LRRC37A2: variants seen among roughly 807,000 people sequenced by gnomAD.
The protein encoded by LRRC37A2 is leucine-rich repeat-containing protein 37A2.
Under a neutral mutation model 68.8 loss-of-function variants are expected in LRRC37A2, and 9 were observed. That is an observed-to-expected ratio of 0.13 (90% confidence interval 0.08 to 0.23). The LOEUF (loss-of-function observed/expected upper bound fraction) is 0.23. Ranked by LOEUF, LRRC37A2 falls within the 10% of genes least tolerant of loss-of-function variation. LRRC37A2 has a pLI of 1.00. For synonymous variants in LRRC37A2, 63 were observed against 367.6 expected (o/e 0.17, Z 9.48); for missense variants, 168 against 950.4 (o/e 0.18, Z 10.82).
At chr17:46,728,993 A>C in the LRRC37A2 span, 1 of 1,030,896 alleles carries the variant, frequency 9.7e-7, no homozygotes, top group Non-Finnish European at 1.5e-6. Flanking sequence ...TAAATCGCAT[A>C]TAATGATACA....
At chr17:46,877,187 G>A in the LRRC37A2 span, 79 of 629,854 alleles carry the variant, frequency 1.3e-4, no homozygotes, top group Admixed American at 2.5e-4. Context: ...TGGGTCAATC[G>A]GGTCCTGTGG....
chr17:46,868,506 G>T, the LRRC37A2 span, among the ~76,000 whole-genome samples: 2 of 152,188 alleles, frequency 1.3e-5, no homozygotes, highest in African/African-American at 4.8e-5. Context: ...TGAGGTAGGA[G>T]AATTGCTTGA....
the LRRC37A2 span, among the ~76,000 whole-genome samples, chr17:46,853,363 CTTTTTTTTT>C: frequency 3.0e-4 from 24 of 78,906 alleles, no homozygotes; most frequent in South Asian, 8.8e-3. Context: ...ATGCTAGTGA[CTTTTTTTTT>C]TTTTTTTTTT....
At chr17:46,403,990 G>A in the LRRC37A2 span, among the ~76,000 whole-genome samples, 2 of 60,248 alleles carry the variant, frequency 3.3e-5, no homozygotes. Flanking sequence ...GTGAGCCACC[G>A]CAGCTGGCCA....
the LRRC37A2 span, among the ~76,000 whole-genome samples, chr17:46,711,437 T>C: frequency 4.6e-5 from 7 of 152,210 alleles, no homozygotes; most frequent in Non-Finnish European, 1.0e-4. Context: ...TGTATTTTAG[T>C]CATTGAACTA....
chr17:47,011,615 A>G, the LRRC37A2 span, among the ~76,000 whole-genome samples: 1 of 151,132 alleles, frequency 6.6e-6, no homozygotes, highest in African/African-American at 2.4e-5. Context: ...TATGTTTCCA[A>G]GGTTGGTCTG....
chr17:46,737,908 ATAT>A, the LRRC37A2 span, among the ~76,000 whole-genome samples: 4,841 of 145,808 alleles, frequency 0.033, 263 homozygotes, highest in African/African-American at 0.11. Flanking sequence ...TAAAATTAGC[ATAT>A]TATTATTATT....
chr17:46,825,976 C>T, the LRRC37A2 span, among the ~76,000 whole-genome samples: 1 of 152,234 alleles, frequency 6.6e-6, no homozygotes, highest in Non-Finnish European at 1.5e-5. Context: ...TGAGCCAAGA[C>T]CGTGCCACTG....
the LRRC37A2 span, among the ~76,000 whole-genome samples, chr17:46,965,570 G>A: frequency 1.8e-4 from 28 of 152,210 alleles, no homozygotes; most frequent in Admixed American, 5.2e-4. Flanking sequence ...GGAAATCCTC[G>A]TGGTTTCTGC....
chr17:46,715,199 T>C, the LRRC37A2 span, among the ~76,000 whole-genome samples: 2 of 152,204 alleles, frequency 1.3e-5, no homozygotes, highest in African/African-American at 2.4e-5. Flanking sequence ...AAAGGAAATA[T>C]TGCCAGATGC....
the LRRC37A2 span, among the ~76,000 whole-genome samples, chr17:46,914,543 C>T: frequency 7.0e-6 from 1 of 143,620 alleles, no homozygotes; most frequent in East Asian, 2.2e-4. Context: ...CCCAGCTACT[C>T]GGGAGGCTGA....
the LRRC37A2 span, among the ~76,000 whole-genome samples, chr17:46,844,317 T>TTC: frequency 6.6e-6 from 1 of 150,884 alleles, no homozygotes; most frequent in East Asian, 1.9e-4. Flanking sequence ...TTTTTTTTTT[T>TTC]TTTTTTTTGA....
chr17:46,772,615 G>C, the LRRC37A2 span, among the ~76,000 whole-genome samples: 1 of 152,226 alleles, frequency 6.6e-6, no homozygotes, highest in Non-Finnish European at 1.5e-5. Context: ...GGCAATAGAA[G>C]CGTAAACAGA....
the LRRC37A2 span, among the ~76,000 whole-genome samples, chr17:47,000,758 C>G: frequency 1.3e-5 from 2 of 152,102 alleles, no homozygotes. Context: ...AGGTGGGAGG[C>G]CTTCCAAAGT....
the LRRC37A2 span, among the ~76,000 whole-genome samples, chr17:46,907,935 G>T: frequency 6.6e-6 from 1 of 152,170 alleles, no homozygotes; most frequent in East Asian, 1.9e-4. Context: ...TTTGCCCTGG[G>T]CCCCTTAACC....
chr17:46,695,240 C>T, the LRRC37A2 span, among the ~76,000 whole-genome samples: 12 of 143,450 alleles, frequency 8.4e-5, no homozygotes, highest in East Asian at 2.0e-4. Context: ...AGCGAGATTC[C>T]GTCTCCAAAA....
At chr17:46,449,899 A>G in the LRRC37A2 span, among the ~76,000 whole-genome samples, 8 of 105,520 alleles carry the variant, frequency 7.6e-5, no homozygotes, top group Admixed American at 7.2e-4. Context: ...CTGACTAGAA[A>G]AGTGGGACTC....
the LRRC37A2 span, among the ~76,000 whole-genome samples, chr17:46,499,344 G>T: frequency 7.3e-6 from 1 of 136,204 alleles, no homozygotes; most frequent in Non-Finnish European, 1.6e-5. Flanking sequence ...AAGGTGGGGG[G>T]ACAATGTTAC....
At chr17:46,840,155 C>T in the LRRC37A2 span, among the ~76,000 whole-genome samples, 21 of 149,866 alleles carry the variant, frequency 1.4e-4, no homozygotes, top group Non-Finnish European at 2.4e-4. Context: ...GGTGTGATCT[C>T]GGCTCACTGC....
Sources: gnomAD v4.1 joint callset for allele counts (sites outside exome capture counted in the v4.1 genomes callset) on GRCh38, gnomAD v4.1.1 for gene constraint, MANE v1.5 for transcripts, NCBI Gene and HGNC (gene_info 2026-07-23, HGNC 2026-07-21) for gene names.